The following CS variants were observed in gnomAD, a reference collection of about 807,000 sequenced individuals.
CS encodes citrate synthase, also known as citrate synthase, mitochondrial.
A neutral mutation model predicts 61.4 loss-of-function variants in CS; 13 were observed. The ratio of observed to expected loss-of-function variants is 0.21; its 90% CI spans 0.14 to 0.34. The LOEUF is 0.34. Ranked by LOEUF, CS falls within the 10% of genes least tolerant of loss-of-function variation. CS has a pLI of 1.00. For synonymous variants in CS, 159 were observed against 215.2 expected (o/e 0.74, Z 2.29); for missense variants, 278 against 573.4 (o/e 0.48, Z 5.26).
intron 5 of CS, 37 bp from the exon 6 acceptor site, chr12:56,282,645 G>A: frequency 6.4e-7 from 1 of 1,559,060 alleles, no homozygotes; most frequent in South Asian, 1.2e-5. Context: ...ACACCAGCAA[G>A]GACAAGGAAG....
intron 1 of CS, among the ~76,000 whole-genome samples, chr12:56,296,176 G>A (rs762102338): frequency 1.6e-4 from 25 of 151,734 alleles, no homozygotes; most frequent in Non-Finnish European, 3.1e-4. Flanking sequence ...AAGAAATACA[G>A]AGGGCTGGGT....
chr12:56,286,697 T>C lies in CS; in HGVS notation c.43-52A>G. The stretch of plus-strand genomic sequence containing the variant: ...GTAACTGTTACCCCTCCCTCTTTTA[T>C]ATTAACAAGAAGGAATTACAGTGAC... On this transcript the variant is annotated intron_variant, in intron 1 of 10. Coordinates refer to ENST00000351328, the MANE Select transcript of CS (RefSeq NM_004077.3). 3.3e-6 allele frequency: 5 copies of C among 1,496,644 alleles called. No individual in the cohort carries two copies. The East Asian group carries it at 1.1e-4, about 34-fold the overall frequency. The allele number at this position is 1,496,644 out of a possible 1,614,324, so 92.7% of individuals were successfully genotyped here.
chr12:56,283,890 A>AG (rs750341091), intron 3 of CS, 33 bp from the exon 4 acceptor site: 1 of 1,512,626 alleles, frequency 6.6e-7, no homozygotes, highest in Non-Finnish European at 9.2e-7. Flanking sequence ...GAAAAAAAAA[A>AG]GAGGCTGTGG....
At chr12:56,298,817 A>C (rs1873387532) in intron 1 of CS, 2 of 253,268 alleles carry the variant, frequency 7.9e-6, no homozygotes, top group Admixed American at 1.3e-4. Flanking sequence ...AGGCAGGAAG[A>C]TTACTTGAGC....
chr12:56,290,414 T>C (rs61937683), intron 1 of CS, among the ~76,000 whole-genome samples: 1 of 151,978 alleles, frequency 6.6e-6, no homozygotes, highest in South Asian at 2.1e-4. Flanking sequence ...GGTTTCACTA[T>C]GTTGGCCAGA....
Position 56,300,288 on chromosome 12 carries a change from C to G in CS, c.-87G>C, listed in dbSNP as rs1047052545. 2.2e-6 allele frequency: 3 copies of G among 1,390,422 alleles called. No homozygotes were observed. The highest frequency in any genetic ancestry group is 2.9e-6 in the Non-Finnish European group (3 of 1,019,854). 86.1% of individuals were successfully genotyped at this position (1,390,422 alleles called of 1,614,324 possible). A position where few individuals can be genotyped will look rare whatever the true frequency, so the allele number is the denominator to read the frequency against. ...GGAGCCGCCGCCGCTGCACCAGAGG[C>G]CGCGCCGACGGGTTGACAAGGTTGA... On this transcript the variant is annotated 5_prime_UTR_variant, in exon 1 of 11. Coordinates refer to ENST00000351328, the MANE Select transcript of CS (RefSeq NM_004077.3).
intron 1 of CS, among the ~76,000 whole-genome samples, chr12:56,292,903 CA>C (rs569776114): frequency 4.2e-4 from 61 of 145,168 alleles, no homozygotes; most frequent in Non-Finnish European, 7.1e-4. Flanking sequence ...GACTCTGTCT[CA>C]AAAAAAAAGG....
intron 6 of CS, among the ~76,000 whole-genome samples, chr12:56,279,413 C>T (rs976404873): frequency 6.6e-6 from 1 of 152,076 alleles, no homozygotes; most frequent in African/African-American, 2.4e-5. Flanking sequence ...CCGAGGCAGG[C>T]AGATCACAAG....
chr12:56,280,408 C>T lies in CS; in HGVS notation c.588+2012G>A, dbSNP rs774062842. On this transcript the variant is annotated intron_variant, in intron 6 of 10. Transcript: ENST00000351328. The stretch of plus-strand genomic sequence containing the variant: ...CCAACCTGGGTGACAGTGCAAGACA[C>T]CGTCTCCCAAAAAAAACAAAAAAAA... 4.1e-4 allele frequency among the ~76,000 whole-genome samples: 22 copies of T among 53,478 alleles called. 1 individual carries two copies. Among genetic ancestry groups the T allele is most frequent in the Non-Finnish European group, 8.5e-4 (19 of 22,368 alleles). 35.1% of individuals were successfully genotyped at this position (53,478 alleles called of 152,430 possible). A position where few individuals can be genotyped will look rare whatever the true frequency, so the allele number is the denominator to read the frequency against.
In CS at chr12:56,274,985, A is replaced by G; in HGVS notation, c.918+17T>C. 6.2e-7 allele frequency: 1 copy of G among 1,613,342 alleles called. No homozygotes were observed. Among genetic ancestry groups the G allele is most frequent in the Non-Finnish European group, 8.5e-7 (1 of 1,179,536 alleles). ...TAAGGAAAACATGTAGCAGGAAAAT[A>G]AAAAGAATAGTCTTACCTGATTTGC... On this transcript the variant is annotated intron_variant, in intron 8 of 10. Coordinates refer to ENST00000351328, the MANE Select transcript of CS (RefSeq NM_004077.3).
At chr12:56,293,333 G>A (rs936540826) in intron 1 of CS, among the ~76,000 whole-genome samples, 1 of 152,120 alleles carries the variant, frequency 6.6e-6, no homozygotes, top group Non-Finnish European at 1.5e-5. Flanking sequence ...TAAAACCTTG[G>A]GGGAGGCTGG....
chr12:56,283,407 C>T (rs1018627385), intron 4 of CS, among the ~76,000 whole-genome samples: 13 of 152,048 alleles, frequency 8.5e-5, no homozygotes, highest in African/African-American at 1.2e-4. Context: ...CCATGCCCGG[C>T]TAATTTTGTG....
intron 1 of CS, among the ~76,000 whole-genome samples, chr12:56,290,116 A>C (rs1020373988): frequency 2.0e-5 from 3 of 151,478 alleles, no homozygotes; most frequent in African/African-American, 4.9e-5. Flanking sequence ...GGCTGGTCTC[A>C]AACTCCTGAC....
intron 2 of CS, 128 bp downstream of exon 2, chr12:56,286,467 A>G: frequency 4.3e-6 from 3 of 691,230 alleles, no homozygotes; most frequent in Non-Finnish European, 5.1e-6. Context: ...TATAACAATA[A>G]CAATAGTAAC....
intron 6 of CS, among the ~76,000 whole-genome samples, chr12:56,278,119 C>T (rs1044683534): frequency 3.3e-5 from 5 of 152,096 alleles, no homozygotes; most frequent in African/African-American, 1.2e-4. Flanking sequence ...ACCTAGCTTA[C>T]ATTATTAACT....
intron 6 of CS, among the ~76,000 whole-genome samples, chr12:56,276,927 C>A (rs926290963): frequency 1.3e-5 from 2 of 152,140 alleles, no homozygotes; most frequent in African/African-American, 4.8e-5. Flanking sequence ...CAGCCAGACA[C>A]GGCAGCTCAT....
intron 1 of CS, among the ~76,000 whole-genome samples, chr12:56,293,345 C>T (rs182791674): frequency 3.9e-5 from 6 of 152,278 alleles, no homozygotes; most frequent in Non-Finnish European, 4.4e-5. Context: ...GGAGGCTGGG[C>T]GCAGTGGCTC....
At chr12:56,293,821 T>G (rs1012011633) in intron 1 of CS, among the ~76,000 whole-genome samples, 1 of 152,228 alleles carries the variant, frequency 6.6e-6, no homozygotes, top group Non-Finnish European at 1.5e-5. Context: ...GATCAGAGCT[T>G]GCCAAGCCAG....
intron 1 of CS, among the ~76,000 whole-genome samples, chr12:56,287,620 A>G (rs1055859856): frequency 6.6e-5 from 10 of 151,960 alleles, no homozygotes; most frequent in Admixed American, 2.6e-4. Context: ...AAGTTGCAAT[A>G]AAAGTTCCAC....
Sources: allele counts gnomAD v4.1 joint callset (sites outside exome capture counted in the v4.1 genomes callset), GRCh38; gene constraint gnomAD v4.1.1; transcripts MANE v1.5; gene names NCBI Gene and HGNC (gene_info 2026-07-23, HGNC 2026-07-21).